RALYL: variants seen among roughly 807,000 people sequenced by gnomAD.
RALYL encodes the protein RALY RNA binding protein like.
Under a neutral mutation model 35.1 loss-of-function variants are expected in RALYL, and 29 were observed. That is an observed-to-expected ratio of 0.83 (90% CI 0.61 to 1.13). The LOEUF is 1.13. Ranked by LOEUF, RALYL falls within the 50% of genes most tolerant of loss-of-function variation. The pLI, the probability that RALYL is intolerant of heterozygous loss-of-function variation, is 0.00. For synonymous variants in RALYL, 120 were observed against 127.6 expected (o/e 0.94, Z 0.40); for missense variants, 359 against 360.4 (o/e 1.00, Z 0.03).
Position 84,613,162 on chromosome 8 carries a change from T to G in RALYL, c.256+83585T>G, listed in dbSNP as rs1297621317. Among the ~76,000 whole-genome samples the G allele has an allele frequency of 2.0e-5, 3 of 151,676 alleles. No homozygotes were observed. In the East Asian group the frequency reaches 5.8e-4, roughly 29 times the overall value. On this transcript the variant is annotated intron_variant, in intron 2 of 8. Coordinates refer to ENST00000521268, the MANE Select transcript of RALYL (RefSeq NM_173848.7). ...ATAAAAAATTTAAGGTAGGCAGAGT[T>G]ATGCTTGTCTTATAGAATTACAGTC...
intron 1 of RALYL, among the ~76,000 whole-genome samples, chr8:84,356,098 A>C (rs746372309): frequency 2.7e-5 from 4 of 149,720 alleles, no homozygotes; most frequent in Admixed American, 6.6e-5. Context: ...CTTCCCTTTC[A>C]TCTTCTGCCA....
intron 3 of RALYL, among the ~76,000 whole-genome samples, chr8:84,789,396 CT>C (rs1369534973): frequency 6.6e-6 from 1 of 152,162 alleles, no homozygotes; most frequent in Non-Finnish European, 1.5e-5. Context: ...GGCAAAGACA[CT>C]TATGATACTG....
intron 1 of RALYL, among the ~76,000 whole-genome samples, chr8:84,368,930 TG>T (rs1453117327): frequency 6.6e-6 from 1 of 152,182 alleles, no homozygotes; most frequent in Non-Finnish European, 1.5e-5. Flanking sequence ...ATCAACTTCA[TG>T]GCAAGTTTGT....
At chr8:84,885,672 G>C (rs1277299072) in intron 7 of RALYL, among the ~76,000 whole-genome samples, 1 of 152,056 alleles carries the variant, frequency 6.6e-6, no homozygotes, top group Admixed American at 6.6e-5. Context: ...TAATGAAAAA[G>C]AGCCTATGTT....
At chr8:84,545,963 GTGATGAACATTCT>G (rs2060327191) in intron 2 of RALYL, among the ~76,000 whole-genome samples, 1 of 152,072 alleles carries the variant, frequency 6.6e-6, no homozygotes, top group African/African-American at 2.4e-5. Flanking sequence ...ATTAGTAACA[GTGATGAACATTCT>G]TGTGTTGCTC....
chr8:84,447,072 C>A (rs2048936672), intron 1 of RALYL, among the ~76,000 whole-genome samples: 1 of 152,028 alleles, frequency 6.6e-6, no homozygotes, highest in Non-Finnish European at 1.5e-5. Context: ...CCCATCAGTC[C>A]ACATTTTTTT....
At position 84,504,942 on chromosome 8, in the gene RALYL, A is replaced by G. The variant is rs2057036512; in HGVS notation, c.-23-24357A>G. On this transcript the variant is annotated intron_variant, in intron 1 of 8. Transcript: ENST00000521268. ...CAATTATTGCTACGCCCGCACCCCT[A>G]TTTTTCTCAACATGTAAGTCACCAA... 2.0e-5 allele frequency among the ~76,000 whole-genome samples: 3 copies of G among 152,034 alleles called. No homozygotes were observed. In the South Asian group the frequency reaches 6.2e-4, roughly 32 times the overall value.
At chr8:84,416,437 A>C (rs2044708938) in intron 1 of RALYL, among the ~76,000 whole-genome samples, 1 of 152,216 alleles carries the variant, frequency 6.6e-6, no homozygotes, top group African/African-American at 2.4e-5. Context: ...GGAAGTAGTA[A>C]GTAGGCAAAG....
chr8:84,469,262 A>G (rs1182116108), intron 1 of RALYL, among the ~76,000 whole-genome samples: 1 of 151,608 alleles, frequency 6.6e-6, no homozygotes, highest in Non-Finnish European at 1.5e-5. Context: ...TTTTTTCCCC[A>G]TCTTTGTGGT....
intron 2 of RALYL, among the ~76,000 whole-genome samples, chr8:84,725,049 G>A (rs545703674): frequency 2.0e-4 from 31 of 151,576 alleles, no homozygotes; most frequent in African/African-American, 7.2e-4. Context: ...AGGTAAGGTG[G>A]TTATATATAT....
chr8:84,313,034 C>T (rs551997308), intron 1 of RALYL, among the ~76,000 whole-genome samples: 1 of 152,334 alleles, frequency 6.6e-6, no homozygotes, highest in African/African-American at 2.4e-5. Flanking sequence ...TACGTGGAGG[C>T]TGCCAAGCCT....
intron 3 of RALYL, among the ~76,000 whole-genome samples, chr8:84,777,234 G>A (rs931704597): frequency 1.3e-5 from 2 of 152,148 alleles, no homozygotes; most frequent in Non-Finnish European, 2.9e-5. Context: ...TTCACGTCTA[G>A]TATTCTCACC....
intron 1 of RALYL, among the ~76,000 whole-genome samples, chr8:84,267,587 G>T (rs1421932680): frequency 6.6e-6 from 1 of 151,922 alleles, no homozygotes; most frequent in Non-Finnish European, 1.5e-5. Context: ...CCTATGTTAC[G>T]CCATGTCTTG....
In RALYL at chr8:84,661,691, T is replaced by C. The variant is rs893903740; in HGVS notation, c.257-112888T>C. ...TACATGTGCACATTGTGCAGGTTAG[T>C]TACATGTGTATACATGTGCCATGCT... On this transcript the variant is annotated intron_variant, in intron 2 of 8. Transcript: ENST00000521268. 2.0e-5 allele frequency among the ~76,000 whole-genome samples: 3 copies of C among 151,892 alleles called. No individual in the cohort carries two copies. In the South Asian group the frequency reaches 6.2e-4, roughly 31 times the overall value.
intron 1 of RALYL, among the ~76,000 whole-genome samples, chr8:84,517,522 A>G (rs1196267170): frequency 6.6e-6 from 1 of 152,208 alleles, no homozygotes; most frequent in African/African-American, 2.4e-5. Context: ...TATCAGATAA[A>G]ATACTAGAGG....
At chr8:84,671,982 G>A (rs781142469) in intron 2 of RALYL, among the ~76,000 whole-genome samples, 14 of 152,114 alleles carry the variant, frequency 9.2e-5, no homozygotes, top group Admixed American at 2.0e-4. Context: ...GTTATGCTCT[G>A]CTTCCCTTTT....
At chr8:84,787,187 G>A (rs756989113) in intron 3 of RALYL, among the ~76,000 whole-genome samples, 28 of 148,342 alleles carry the variant, frequency 1.9e-4, no homozygotes, top group Non-Finnish European at 2.8e-4. Flanking sequence ...AGACCCCGGC[G>A]TGTGATGTTC....
intron 2 of RALYL, among the ~76,000 whole-genome samples, chr8:84,536,027 C>A (rs1000064459): frequency 3.3e-4 from 50 of 152,142 alleles, no homozygotes; most frequent in African/African-American, 1.2e-3. Context: ...AAGAATGTAT[C>A]TTTTCCAATT....
At chr8:84,362,332 G>A (rs1253631822) in intron 1 of RALYL, among the ~76,000 whole-genome samples, 2 of 152,138 alleles carry the variant, frequency 1.3e-5, no homozygotes, top group Non-Finnish European at 2.9e-5. Flanking sequence ...GAATTGAAGA[G>A]AGGAATTGCA....
Sources: gnomAD v4.1 joint callset for allele counts (sites outside exome capture counted in the v4.1 genomes callset) on GRCh38, gnomAD v4.1.1 for gene constraint, MANE v1.5 for transcripts, NCBI Gene and HGNC (gene_info 2026-07-23, HGNC 2026-07-21) for gene names.